POU1F1: variants seen among roughly 807,000 people sequenced by gnomAD.
POU1F1 encodes pituitary-specific positive transcription factor 1.
POU1F1 carries 23 observed loss-of-function variants against 32.3 expected under a neutral mutation model. That is an observed-to-expected ratio of 0.71 (90% confidence interval 0.51 to 1.01). POU1F1 has a LOEUF of 1.01. Among genes scored for constraint, POU1F1 ranks in the 50% least tolerant of loss-of-function variants. POU1F1 has a pLI of 0.00. For missense variants in POU1F1, 323 were observed against 341.6 expected, an observed-to-expected ratio of 0.95 and a Z score of 0.43; for synonymous variants, 120 against 115.6, an observed-to-expected ratio of 1.04 and a Z score of -0.25.
intron 5 of POU1F1, among the ~76,000 whole-genome samples, chr3:87,260,428 C>T (rs560657569): frequency 6.6e-6 from 1 of 152,258 alleles, no homozygotes; most frequent in African/African-American, 2.4e-5. Context: ...CTAGACATTT[C>T]TAAATATCTC....
chr3:87,275,099 G>C (rs928669404), intron 1 of POU1F1, among the ~76,000 whole-genome samples: 1 of 151,906 alleles, frequency 6.6e-6, no homozygotes, highest in South Asian at 2.1e-4. Context: ...TTAGCTATGT[G>C]GTAATTGCTT....
chr3:87,271,672 T>C (rs1024043258), intron 2 of POU1F1, among the ~76,000 whole-genome samples: 3 of 152,216 alleles, frequency 2.0e-5, no homozygotes, highest in Non-Finnish European at 4.4e-5. Flanking sequence ...GCATTTATTT[T>C]ACTATTTTAT....
chr3:87,274,686 A>T (rs894470184), intron 1 of POU1F1, among the ~76,000 whole-genome samples: 2 of 151,536 alleles, frequency 1.3e-5, no homozygotes, highest in African/African-American at 4.8e-5. Context: ...TTTAATACTC[A>T]AGTGTTCCCA....
Position 87,264,524 on chromosome 3 carries a change from CAAAG to C in POU1F1, c.215-16_215-13del, listed in dbSNP as rs763246542. On this transcript the variant is annotated splice_polypyrimidine_tract_variant and intron_variant, in intron 2 of 5. Coordinates refer to ENST00000350375, the MANE Select transcript of POU1F1 (RefSeq NM_000306.4). The stretch of plus-strand genomic sequence containing the variant: ...AGGGGTTAAACTACCTGTGAGTAAA[CAAAG>C]AAATAAAATGAAAAAGACCATTTGT... 2.6e-6 allele frequency: 4 copies of C among 1,545,342 alleles called. No individual in the cohort carries two copies. The East Asian group carries it at 9.0e-5, about 35-fold the overall frequency.
In POU1F1 at chr3:87,276,370, A is replaced by G; in HGVS notation, c.93T>C (p.Ala31=). The change falls in exon 1 of 6, where the codon GCT becomes GCC. Residue 31 remains alanine, a synonymous_variant. Coordinates refer to ENST00000350375, the MANE Select transcript of POU1F1 (RefSeq NM_000306.4). ...GGTTGGAGACTGGTAGACACTCGGC[A>G]GCACTGTGATGCATTATCAGAGGCA... ...ATLPLIMHHS[A]AECLPVSNHA... 6.2e-7 allele frequency: 1 copy of G among 1,614,070 alleles called. No individual in the cohort carries two copies. Among genetic ancestry groups the G allele is most frequent in the Non-Finnish European group, 8.5e-7 (1 of 1,179,960 alleles).
chr3:87,264,208 T>C lies in POU1F1; in HGVS notation c.439+80A>G, dbSNP rs1299123224. 3 of 1,115,780 alleles carry C rather than the reference T, an allele frequency of 2.7e-6. No homozygotes were observed. In the African/African-American group the frequency reaches 4.6e-5, roughly 17 times the overall value. 69.1% of individuals were successfully genotyped at this position (1,115,780 alleles called of 1,614,324 possible). On this transcript the variant is annotated intron_variant, in intron 3 of 5. Coordinates refer to ENST00000350375, the MANE Select transcript of POU1F1 (RefSeq NM_000306.4). ...AGAATGAGAATCATCTTGTACTTTT[T>C]AGCAATATATAAGAGATTTAACAGC...
rs142254514 is a variant in POU1F1 at position 87,269,214 on chromosome 3, A to G, written c.214+4133T>C. ...CATTGGTAAATCCTATCCGTGTACA[A>G]CTGGGGCCTATTGCCTGTGTTTGTA... On this transcript the variant is annotated intron_variant, in intron 2 of 5. Transcript: ENST00000350375. Among the ~76,000 whole-genome samples the G allele has an allele frequency of 1.9e-3, 294 of 152,310 alleles. 5 individuals are homozygous for G. The highest frequency in any genetic ancestry group is 6.6e-3 in the African/African-American group (275 of 41,572).
At chr3:87,275,927 C>G (rs1377810074) in intron 1 of POU1F1, among the ~76,000 whole-genome samples, 1 of 151,964 alleles carries the variant, frequency 6.6e-6, no homozygotes, top group African/African-American at 2.4e-5. Context: ...AATTTAACAA[C>G]CGAATAAACC....
At position 87,259,746 on chromosome 3, in the gene POU1F1, C is replaced by CT. The variant is rs369739158; in HGVS notation, c.*147dup. On this transcript the variant is annotated 3_prime_UTR_variant, in exon 6 of 6. Transcript: ENST00000350375. ...TCAATATAATTTAAATTGTTGGTTT[C>CT]TTTTTTTTAAAAAAAAGTGGAAAAG... is the stretch of plus-strand genomic sequence containing the variant. 1,467 of 655,202 alleles carry CT rather than the reference C, an allele frequency of 2.2e-3. 14 individuals are homozygous for CT. Among genetic ancestry groups the CT allele is most frequent in the African/African-American group, 0.022 (1,214 of 54,424 alleles). The allele number at this position is 655,202 out of a possible 1,614,324, so 40.6% of individuals were successfully genotyped here.
chr3:87,276,294 T>C lies in POU1F1; in HGVS notation c.142+27A>G, dbSNP rs200385997. ...ATTCTGAAATATTTAGGCCCGGTCA[T>C]ATGTAAACTGTCATAGGAGTCAGTA... is the stretch of plus-strand genomic sequence containing the variant. On this transcript the variant is annotated intron_variant, in intron 1 of 5. Transcript: ENST00000350375. 5.1e-5 allele frequency: 82 copies of C among 1,610,210 alleles called. No homozygotes were observed. The East Asian group carries it at 1.7e-3, about 34-fold the overall frequency.
intron 1 of POU1F1, among the ~76,000 whole-genome samples, chr3:87,273,966 C>A (rs1448261949): frequency 5.3e-5 from 8 of 152,176 alleles, no homozygotes. Flanking sequence ...AATGGCAGAG[C>A]AAGTAGCCTT....
chr3:87,273,920 C>T lies in POU1F1; in HGVS notation c.143-502G>A, dbSNP rs548915380. On this transcript the variant is annotated intron_variant, in intron 1 of 5. Coordinates refer to ENST00000350375, the MANE Select transcript of POU1F1 (RefSeq NM_000306.4). ...TTCACTCTTGAACAGCGTATTTTTG[C>T]TTATTTGTCTAACAAATTTGTTTCA... Among the ~76,000 whole-genome samples, 9 of 152,236 alleles carry T rather than the reference C, an allele frequency of 5.9e-5. No homozygotes were observed. The Middle Eastern group carries it at 0.017, about 288-fold the overall frequency.
At chr3:87,269,637 C>T (rs72549144) in intron 2 of POU1F1, among the ~76,000 whole-genome samples, 4,171 of 152,148 alleles carry the variant, frequency 0.027, 81 homozygotes, top group African/African-American at 0.044. Flanking sequence ...GGCTGATTTC[C>T]GTTTTCTTCT....
intron 2 of POU1F1, among the ~76,000 whole-genome samples, chr3:87,267,867 G>A (rs374127785): frequency 1.4e-4 from 21 of 152,060 alleles, no homozygotes; most frequent in African/African-American, 5.1e-4. Context: ...ACAGCTTCCT[G>A]TAGTGCTAGA....
Position 87,259,996 on chromosome 3 carries a change from T to TA in POU1F1, c.773dup (p.Arg259LysfsTer27). 1 of 1,614,128 alleles carries TA rather than the reference T, an allele frequency of 6.2e-7. No homozygotes were observed. Among genetic ancestry groups the TA allele is most frequent in the Non-Finnish European group, 8.5e-7 (1 of 1,180,006 alleles). On this transcript the variant is annotated frameshift_variant, in exon 6 of 6. Transcript: ENST00000350375. LOFTEE classifies it high-confidence loss of function. ...GCCTCCGGTTGCAAAACCAAACTCT[T>TA]ACTACTTCTTTCTCCAGATTCAGTT...
At chr3:87,267,652 G>T (rs567183782) in intron 2 of POU1F1, among the ~76,000 whole-genome samples, 3 of 148,260 alleles carry the variant, frequency 2.0e-5, no homozygotes, top group Non-Finnish European at 4.5e-5. Context: ...CTGTCTCCTA[G>T]ACTGGAGTGC....
rs1706480562 is a variant in POU1F1 at position 87,260,076 on chromosome 3, G to T, written c.694C>A (p.His232Asn). The T allele has an allele frequency of 1.2e-6, 2 of 1,613,762 alleles. No individual in the cohort carries two copies. Among genetic ancestry groups the T allele is most frequent in the Non-Finnish European group, 1.7e-6 (2 of 1,179,956 alleles). Residue 232 changes from histidine to asparagine, a missense_variant, in exon 6 of 6, where the codon CAC becomes AAC. His to Asn is a moderately conservative substitution (Grantham distance 68, BLOSUM62 1). Coordinates refer to ENST00000350375, the MANE Select transcript of POU1F1 (RefSeq NM_000306.4). Reference protein sequence around the residue: ...SIAAKDALERHFGEQNKPSSQ... With the variant: ...SIAAKDALERNFGEQNKPSSQ... ...GAAGGTTTATTCTGTTCTCCAAAGT[G>T]TCTCTCCAGAGCATCTTTAGCAGCA...
intron 2 of POU1F1, among the ~76,000 whole-genome samples, chr3:87,269,502 T>A (rs1231689483): frequency 6.6e-6 from 1 of 151,998 alleles, no homozygotes; most frequent in African/African-American, 2.4e-5. Context: ...CCAGAACAAT[T>A]TAGGGCCAAA....
chr3:87,260,675 T>C (rs550270537), intron 5 of POU1F1, among the ~76,000 whole-genome samples: 23 of 152,110 alleles, frequency 1.5e-4, no homozygotes, highest in Non-Finnish European at 2.9e-4. Flanking sequence ...TACTACATTG[T>C]CAGAGCAATA....
Sources: allele counts gnomAD v4.1 joint callset (sites outside exome capture counted in the v4.1 genomes callset), GRCh38; gene constraint gnomAD v4.1.1; transcripts MANE v1.5; gene names NCBI Gene and HGNC (gene_info 2026-07-23, HGNC 2026-07-21).